The following ROBO2 variants were observed in gnomAD, a reference collection of about 807,000 sequenced individuals.
ROBO2 encodes the protein roundabout homolog 2.
ROBO2 carries 53 observed loss-of-function variants against 160.8 expected under a neutral mutation model. That is an observed-to-expected ratio of 0.33 (90% CI 0.26 to 0.41). The LOEUF is 0.41. Ranked by LOEUF, ROBO2 falls within the 10% of genes least tolerant of loss-of-function variation. The probability of loss-of-function intolerance (pLI) is 1.00; values close to 1 mark genes in which losing one functional copy is unlikely to be tolerated. For synonymous variants in ROBO2, 664 were observed against 611.7 expected (o/e 1.09, Z -1.26); for missense variants, 1,577 against 1,722.4 (o/e 0.92, Z 1.49).
At chr3:76,011,253 G>T (rs1158354011) in intron 2 of ROBO2, among the ~76,000 whole-genome samples, 2 of 152,058 alleles carry the variant, frequency 1.3e-5, no homozygotes, top group African/African-American at 4.8e-5. Context: ...AAATTCCCGC[G>T]ATCACTTCAA....
At chr3:77,438,531 G>C (rs1019911303) in intron 2 of ROBO2, among the ~76,000 whole-genome samples, 1 of 149,684 alleles carries the variant, frequency 6.7e-6, no homozygotes, top group Non-Finnish European at 1.5e-5. Flanking sequence ...GTATTGAAGA[G>C]AAGGGGATAC....
Position 76,259,750 on chromosome 3 carries a change from G to A in ROBO2, c.109+322148G>A, listed in dbSNP as rs147319258. Among the ~76,000 whole-genome samples, 846 of 152,170 alleles carry A rather than the reference G, an allele frequency of 5.6e-3. 12 individuals are homozygous for A. The highest frequency in any genetic ancestry group is 0.018 in the African/African-American group (740 of 41,546). The stretch of plus-strand genomic sequence containing the variant: ...TAGCTGTGATGCAGATTCACTGTGC[G>A]CAAGGCATCCCCCTGGGCCCATGTT... On this transcript the variant is annotated intron_variant, in intron 2 of 26. Coordinates refer to the ROBO2 transcript ENST00000487694.
At chr3:76,088,846 A>T (rs970480445) in intron 2 of ROBO2, among the ~76,000 whole-genome samples, 1 of 152,016 alleles carries the variant, frequency 6.6e-6, no homozygotes, top group Non-Finnish European at 1.5e-5. Flanking sequence ...AGGCAGAGAA[A>T]AGAAATAATA....
intron 2 of ROBO2, among the ~76,000 whole-genome samples, chr3:76,296,847 G>A (rs1013129117): frequency 6.6e-6 from 1 of 152,108 alleles, no homozygotes; most frequent in Non-Finnish European, 1.5e-5. Context: ...GTAGCTTGAT[G>A]GAATCAGAGT....
Position 76,973,875 on chromosome 3 carries a change from T to C in ROBO2, c.110-124139T>C, listed in dbSNP as rs1179481641. ...ACCTTGTAATGGGGCTTTGACTACATCTGATAAGCTGCCTCTCTGAGTAGA... is the reference window on the plus strand; with the variant it reads ...ACCTTGTAATGGGGCTTTGACTACACCTGATAAGCTGCCTCTCTGAGTAGA... On this transcript the variant is annotated intron_variant, in intron 2 of 26. Coordinates refer to the ROBO2 transcript ENST00000487694. Among the ~76,000 whole-genome samples, 4 of 152,294 alleles carry C rather than the reference T, an allele frequency of 2.6e-5. No individual in the cohort carries two copies. In the East Asian group the frequency reaches 7.7e-4, roughly 29 times the overall value.
At chr3:77,102,014 T>TGG (rs1296040726) in intron 2 of ROBO2, among the ~76,000 whole-genome samples, 2 of 152,210 alleles carry the variant, frequency 1.3e-5, no homozygotes, top group African/African-American at 4.8e-5. Flanking sequence ...CACTCCAGAC[T>TGG]GGGCGACAGA....
chr3:76,910,883 C>A (rs1164136332), intron 2 of ROBO2, among the ~76,000 whole-genome samples: 1 of 151,824 alleles, frequency 6.6e-6, no homozygotes, highest in Non-Finnish European at 1.5e-5. Flanking sequence ...GTATTTATTT[C>A]AAAAAGAGAT....
At chr3:76,056,031 A>C (rs770086671) in intron 2 of ROBO2, among the ~76,000 whole-genome samples, 4 of 152,212 alleles carry the variant, frequency 2.6e-5, no homozygotes, top group Admixed American at 6.5e-5. Flanking sequence ...CTGGTTTTGC[A>C]TCCATGGATT....
In ROBO2 at chr3:77,532,029, A is replaced by G. The variant is rs139627762; in HGVS notation, c.934+9127A>G. 9.9e-5 allele frequency among the ~76,000 whole-genome samples: 15 copies of G among 152,228 alleles called. 1 individual carries two copies. The highest frequency in any genetic ancestry group is 2.1e-4 in the South Asian group (1 of 4,826). On this transcript the variant is annotated intron_variant, in intron 6 of 25. Transcript: ENST00000461745. ...AAAAAGGCATTCTGTTTTATCTTCT[A>G]TATTCCAACTGAGTTTCCATAATGT...
intron 2 of ROBO2, among the ~76,000 whole-genome samples, chr3:76,643,046 TATAG>T (rs1180935255): frequency 2.6e-5 from 4 of 152,188 alleles, no homozygotes; most frequent in African/African-American, 9.6e-5. Flanking sequence ...CTGAATTTGT[TATAG>T]ATAATTAGTA....
intron 2 of ROBO2, among the ~76,000 whole-genome samples, chr3:76,012,290 G>A (rs1453489386): frequency 6.6e-6 from 1 of 152,084 alleles, no homozygotes; most frequent in Non-Finnish European, 1.5e-5. Flanking sequence ...AAAATAGTAA[G>A]CCATATCATT....
chr3:77,320,567 A>G (rs972692925), intron 2 of ROBO2, among the ~76,000 whole-genome samples: 2 of 152,134 alleles, frequency 1.3e-5, no homozygotes, highest in Non-Finnish European at 2.9e-5. Flanking sequence ...TAAAAAAAAA[A>G]AGAAGGGCTC....
At chr3:76,110,039 G>A (rs563845896) in intron 2 of ROBO2, among the ~76,000 whole-genome samples, 1,618 of 149,726 alleles carry the variant, frequency 0.011, 36 homozygotes, top group African/African-American at 0.038. Context: ...ATATGTGTGT[G>A]TATATATATA....
chr3:77,379,440 G>T (rs1013853009), intron 2 of ROBO2, among the ~76,000 whole-genome samples: 1 of 151,584 alleles, frequency 6.6e-6, no homozygotes, highest in Non-Finnish European at 1.5e-5. Context: ...TGGTTCGAGG[G>T]TTGCCTGATT....
chr3:77,137,477 C>T (rs1219024271), intron 2 of ROBO2, among the ~76,000 whole-genome samples: 5 of 151,798 alleles, frequency 3.3e-5, no homozygotes, highest in South Asian at 4.2e-4. Context: ...CCGCCTGCCT[C>T]GGCCTCCCAA....
At chr3:76,215,689 G>T (rs1442114821) in intron 2 of ROBO2, among the ~76,000 whole-genome samples, 2 of 152,196 alleles carry the variant, frequency 1.3e-5, no homozygotes, top group Non-Finnish European at 2.9e-5. Flanking sequence ...TCTAATTGGT[G>T]TACCTGAAAG....
chr3:76,076,063 A>G (rs2068635810), intron 2 of ROBO2, among the ~76,000 whole-genome samples: 1 of 152,226 alleles, frequency 6.6e-6, no homozygotes, highest in South Asian at 2.1e-4. Flanking sequence ...TAATGCTCAC[A>G]TGTACATTTG....
In ROBO2 at chr3:76,206,236, C is replaced by T. The variant is rs542781161; in HGVS notation, c.109+268634C>T. 2.0e-5 allele frequency among the ~76,000 whole-genome samples: 3 copies of T among 151,204 alleles called. No individual in the cohort carries two copies. The South Asian group carries it at 6.3e-4, about 32-fold the overall frequency. Reference sequence around the variant, plus strand: ...GCAGGTTTTACTGGTTGAATCATTGCCTTACATTACTGTCTGAGAGCTGTC... The same window carrying T: ...GCAGGTTTTACTGGTTGAATCATTGTCTTACATTACTGTCTGAGAGCTGTC... On this transcript the variant is annotated intron_variant, in intron 2 of 26. Transcript: ENST00000487694.
chr3:77,433,674 T>C (rs2079018673), intron 2 of ROBO2, among the ~76,000 whole-genome samples: 1 of 151,760 alleles, frequency 6.6e-6, no homozygotes, highest in Non-Finnish European at 1.5e-5. Context: ...TGTATAACTC[T>C]GTCCTGGACC....
Sources: allele counts gnomAD v4.1 joint callset (sites outside exome capture counted in the v4.1 genomes callset), GRCh38; gene constraint gnomAD v4.1.1; transcripts MANE v1.5; gene names NCBI Gene and HGNC (gene_info 2026-07-23, HGNC 2026-07-21).